Variants in PPP2R5E observed in about 807,000 individuals in gnomAD.
The protein encoded by PPP2R5E is protein phosphatase 2 regulatory subunit B'epsilon.
PPP2R5E carries 4 observed loss-of-function variants against 65.3 expected under a neutral mutation model. The ratio of observed to expected loss-of-function variants is 0.06; its 90% CI spans 0.03 to 0.14. The LOEUF is 0.14. PPP2R5E is among the 10% of genes least tolerant of loss of function. PPP2R5E has a pLI of 1.00. For missense variants in PPP2R5E, 274 were observed against 556.1 expected, an observed-to-expected ratio of 0.49 and a Z score of 5.10; for synonymous variants, 183 against 187.4, an observed-to-expected ratio of 0.98 and a Z score of 0.19.
intron 3 of PPP2R5E, among the ~76,000 whole-genome samples, chr14:63,430,220 A>G (rs1392357746): frequency 6.6e-6 from 1 of 152,170 alleles, no homozygotes; most frequent in Non-Finnish European, 1.5e-5. Flanking sequence ...TATATTAAAT[A>G]TTCAACCCTA....
rs767892639 is a variant in PPP2R5E at position 63,467,222 on chromosome 14, CA to C, written c.158-13338del. Among the ~76,000 whole-genome samples the C allele has an allele frequency of 2.6e-5, 3 of 114,382 alleles. 1 individual carries two copies. The highest frequency in any genetic ancestry group is 1.3e-4 in the African/African-American group (3 of 22,440). The allele number at this position is 114,382 out of a possible 152,430, so 75.0% of individuals were successfully genotyped here. A position where few individuals can be genotyped will look rare whatever the true frequency, so the allele number is the denominator to read the frequency against. ...TGGGTGACAGAGCAAGACTCCGTCT[CA>C]AAAAAAACAAACAAACAAACAAAAA... On this transcript the variant is annotated intron_variant, in intron 2 of 13. Coordinates refer to ENST00000337537, the MANE Select transcript of PPP2R5E (RefSeq NM_006246.5).
intron 2 of PPP2R5E, among the ~76,000 whole-genome samples, chr14:63,462,072 T>C (rs1295517744): frequency 8.6e-6 from 1 of 115,840 alleles, no homozygotes; most frequent in Non-Finnish European, 1.7e-5. Flanking sequence ...ATTTCAACTG[T>C]ATTTTTTTTT....
At chr14:63,542,109 T>G (rs745327367) in intron 1 of PPP2R5E, among the ~76,000 whole-genome samples, 1 of 152,222 alleles carries the variant, frequency 6.6e-6, no homozygotes, top group Non-Finnish European at 1.5e-5. Context: ...CTTTATTCCT[T>G]ATCTCTCATC....
At chr14:63,482,049 T>C (rs1890729887) in intron 2 of PPP2R5E, among the ~76,000 whole-genome samples, 1 of 152,226 alleles carries the variant, frequency 6.6e-6, no homozygotes, top group Admixed American at 6.5e-5. Flanking sequence ...TAAAATATCC[T>C]AGAAATTACA....
chr14:63,528,350 A>T (rs1045902797), intron 2 of PPP2R5E, among the ~76,000 whole-genome samples: 3 of 152,186 alleles, frequency 2.0e-5, no homozygotes, highest in African/African-American at 7.2e-5. Context: ...AAGTCTGGTG[A>T]TCTGATTAGG....
chr14:63,383,231 C>A (rs1046280462), intron 12 of PPP2R5E, among the ~76,000 whole-genome samples: 1 of 152,144 alleles, frequency 6.6e-6, no homozygotes, highest in Non-Finnish European at 1.5e-5. Flanking sequence ...CAAAAATATC[C>A]GTTGCTTCCG....
At chr14:63,520,829 C>T (rs1892871639) in intron 2 of PPP2R5E, among the ~76,000 whole-genome samples, 1 of 118,354 alleles carries the variant, frequency 8.4e-6, no homozygotes, top group Non-Finnish European at 1.6e-5. Flanking sequence ...TCCTGGCTAA[C>T]ATGGTGAAAC....
At chr14:63,475,796 A>AGG (rs1890383501) in intron 2 of PPP2R5E, among the ~76,000 whole-genome samples, 4 of 152,090 alleles carry the variant, frequency 2.6e-5, no homozygotes, top group Admixed American at 1.3e-4. Context: ...TTTTTTAAAT[A>AGG]GCATGCATTC....
At chr14:63,453,624 A>C in intron 3 of PPP2R5E, 65 bp downstream of exon 3, 1 of 1,506,996 alleles carries the variant, frequency 6.6e-7, no homozygotes, top group Non-Finnish European at 9.1e-7. Flanking sequence ...CTCTTGCAAT[A>C]TATACACCTG....
intron 5 of PPP2R5E, among the ~76,000 whole-genome samples, chr14:63,411,434 A>G (rs1378651042): frequency 6.6e-6 from 1 of 151,868 alleles, no homozygotes; most frequent in South Asian, 2.1e-4. Flanking sequence ...TTTTGGGAGT[A>G]CAAGTGCAGT....
intron 2 of PPP2R5E, among the ~76,000 whole-genome samples, chr14:63,525,017 C>T (rs573565727): frequency 2.0e-5 from 3 of 152,322 alleles, no homozygotes; most frequent in Admixed American, 6.5e-5. Flanking sequence ...AGAGCCAGAC[C>T]GGCCTAGGGT....
In PPP2R5E at chr14:63,454,837, C is replaced by A. The variant is rs74062904; in HGVS notation, c.158-952G>T. Among the ~76,000 whole-genome samples, 408 of 152,316 alleles carry A rather than the reference C, an allele frequency of 2.7e-3. 1 individual carries two copies. Among genetic ancestry groups the A allele is most frequent in the African/African-American group, 9.4e-3 (392 of 41,558 alleles). ...TAACCAGGGTAGGCTCTACTGCCTT[C>A]ATCCAAGGTGATTAGCTCATTAATC... On this transcript the variant is annotated intron_variant, in intron 2 of 13. Coordinates refer to ENST00000337537, the MANE Select transcript of PPP2R5E (RefSeq NM_006246.5).
At chr14:63,430,396 T>TGC (rs1396568181) in intron 3 of PPP2R5E, among the ~76,000 whole-genome samples, 8 of 147,612 alleles carry the variant, frequency 5.4e-5, no homozygotes, top group African/African-American at 1.8e-4. Context: ...CATACATACA[T>TGC]ACATGCATAC....
chr14:63,497,211 T>C (rs1352380259), intron 2 of PPP2R5E, among the ~76,000 whole-genome samples: 2 of 152,118 alleles, frequency 1.3e-5, no homozygotes, highest in Non-Finnish European at 2.9e-5. Context: ...TATATACAGA[T>C]GCATAAACGT....
chr14:63,519,008 C>G (rs550756481), intron 2 of PPP2R5E, among the ~76,000 whole-genome samples: 2 of 152,156 alleles, frequency 1.3e-5, no homozygotes, highest in African/African-American at 4.8e-5. Flanking sequence ...CATCTGAGGT[C>G]GGGAGTTCGA....
At position 63,507,383 on chromosome 14, in the gene PPP2R5E, A is replaced by T. The variant is rs550173028; in HGVS notation, c.157+32146T>A. On this transcript the variant is annotated intron_variant, in intron 2 of 13. Transcript: ENST00000337537. ...ACCTTGCTCCTGGATTAATCTCAGA[A>T]GGGCAGTGTGGGTTCCTTTTAGAAG... is the stretch of plus-strand genomic sequence containing the variant. Among the ~76,000 whole-genome samples, 66 of 152,206 alleles carry T rather than the reference A, an allele frequency of 4.3e-4. 1 individual carries two copies. Among genetic ancestry groups the T allele is most frequent in the Middle Eastern group, 3.4e-3 (1 of 294 alleles).
intron 7 of PPP2R5E, 142 bp from the exon 8 acceptor site, chr14:63,394,070 C>CT (rs557273298): frequency 0.026 from 4,621 of 181,006 alleles, 97 homozygotes; most frequent in South Asian, 0.041. Flanking sequence ...TCAGAATTTC[C>CT]TTTTTTTTTT....
intron 5 of PPP2R5E, among the ~76,000 whole-genome samples, chr14:63,407,559 A>G (rs1886157640): frequency 6.6e-6 from 1 of 151,130 alleles, no homozygotes; most frequent in African/African-American, 2.5e-5. Context: ...TATTTTTTTT[A>G]TATAAAAAAT....
At position 63,375,152 on chromosome 14, in the gene PPP2R5E, GTCCAAAAGGATGTTTTTCTCACAT is replaced by G. The variant is rs1206716318; in HGVS notation, c.*833_*856del. 6.6e-6 allele frequency: 1 copy of G among 152,484 alleles called. No homozygotes were observed. Among genetic ancestry groups the G allele is most frequent in the Non-Finnish European group, 1.5e-5 (1 of 67,976 alleles). 9.4% of individuals were successfully genotyped at this position (152,484 alleles called of 1,614,324 possible). A position where few individuals can be genotyped will look rare whatever the true frequency, so the allele number is the denominator to read the frequency against. ...GTGTTTGTCTTTCTTATTTCAAATG[GTCCAAAAGGATGTTTTTCTCACAT>G]TTCTAAAACATCTCTGGTATGTGTG... On this transcript the variant is annotated 3_prime_UTR_variant, in exon 14 of 14. Transcript: ENST00000337537.
Sources: gnomAD v4.1 joint callset for allele counts (sites outside exome capture counted in the v4.1 genomes callset) on GRCh38, gnomAD v4.1.1 for gene constraint, MANE v1.5 for transcripts, NCBI Gene and HGNC (gene_info 2026-07-23, HGNC 2026-07-21) for gene names.